KIAA1328: variants seen among roughly 807,000 people sequenced by gnomAD.
KIAA1328 encodes the protein protein hinderin.
Under a neutral mutation model 68.1 loss-of-function variants are expected in KIAA1328, and 52 were observed. The observed-to-expected ratio is 0.76, with a 90% CI of 0.61 to 0.96. The LOEUF (loss-of-function observed/expected upper bound fraction) is 0.96. Ranked by LOEUF, KIAA1328 falls within the 40% of genes least tolerant of loss-of-function variation. KIAA1328 has a pLI of 0.00. For missense variants in KIAA1328, 641 were observed against 677.6 expected, an observed-to-expected ratio of 0.95 and a Z score of 0.60; for synonymous variants, 232 against 239.4, an observed-to-expected ratio of 0.97 and a Z score of 0.28.
intron 7 of KIAA1328, among the ~76,000 whole-genome samples, chr18:37,159,747 G>A (rs1297975411): frequency 6.6e-6 from 1 of 151,970 alleles, no homozygotes; most frequent in Admixed American, 6.6e-5. Context: ...ACGTACTCTG[G>A]GTACATAATA....
At chr18:37,078,370 A>C (rs2056824153) in intron 7 of KIAA1328, among the ~76,000 whole-genome samples, 1 of 151,908 alleles carries the variant, frequency 6.6e-6, no homozygotes, top group Non-Finnish European at 1.5e-5. Flanking sequence ...TAAAACCATA[A>C]AAACCCTAGA....
intron 5 of KIAA1328, among the ~76,000 whole-genome samples, chr18:36,899,454 A>C (rs930108797): frequency 6.6e-6 from 1 of 151,894 alleles, no homozygotes; most frequent in Non-Finnish European, 1.5e-5. Flanking sequence ...GTTAGTGCTG[A>C]ATCTGCATAA....
At chr18:36,833,524 G>C (rs2046568947) in intron 1 of KIAA1328, 2 of 152,070 alleles carry the variant, frequency 1.3e-5, no homozygotes, top group African/African-American at 4.8e-5. Flanking sequence ...TTAATACTTT[G>C]GCTTTTAATC....
intron 5 of KIAA1328, among the ~76,000 whole-genome samples, chr18:36,920,564 G>T (rs750168660): frequency 2.6e-5 from 4 of 152,146 alleles, no homozygotes; most frequent in Non-Finnish European, 5.9e-5. Context: ...ATCAATGTGG[G>T]TCTTGCATTA....
chr18:37,093,301 G>A (rs778076748), intron 7 of KIAA1328, among the ~76,000 whole-genome samples: 2 of 151,980 alleles, frequency 1.3e-5, no homozygotes, highest in Non-Finnish European at 2.9e-5. Flanking sequence ...CAGATACCAA[G>A]GAAAGGAAAT....
At chr18:37,166,083 AG>A (rs1454136460) in intron 8 of KIAA1328, among the ~76,000 whole-genome samples, 3 of 146,478 alleles carry the variant, frequency 2.0e-5, no homozygotes, top group Non-Finnish European at 3.0e-5. Context: ...TTTGGGTATC[AG>A]AGTTATGCTA....
chr18:37,142,588 G>A (rs1393315765), intron 7 of KIAA1328, among the ~76,000 whole-genome samples: 2 of 151,676 alleles, frequency 1.3e-5, no homozygotes, highest in African/African-American at 4.8e-5. Flanking sequence ...ATTTTCAAAG[G>A]TCAGTTGAAT....
intron 5 of KIAA1328, among the ~76,000 whole-genome samples, chr18:36,949,602 C>CA (rs1556833375): frequency 5.0e-5 from 5 of 99,728 alleles, no homozygotes; most frequent in East Asian, 4.5e-4. Context: ...CCAGCTCCCC[C>CA]CCCCCCACCC....
At chr18:36,860,114 C>G (rs1387765163) in intron 4 of KIAA1328, among the ~76,000 whole-genome samples, 2 of 151,892 alleles carry the variant, frequency 1.3e-5, no homozygotes, top group Non-Finnish European at 2.9e-5. Context: ...TGATAGCTAT[C>G]TGAATTGAAT....
Position 37,121,448 on chromosome 18 carries a change from A to ATCTG in KIAA1328, c.1233-38749_1233-38748insGTCT, listed in dbSNP as rs1463256054. 9.2e-4 allele frequency among the ~76,000 whole-genome samples: 140 copies of ATCTG among 151,938 alleles called. 1 individual carries two copies. The highest frequency in any genetic ancestry group is 1.7e-3 in the Non-Finnish European group (118 of 67,910). On this transcript the variant is annotated intron_variant, in intron 7 of 9. Coordinates refer to ENST00000280020, the MANE Select transcript of KIAA1328 (RefSeq NM_020776.3). ...TATCTATCTATCTATCTATCTATCT[A>ATCTG]TCTATCTATCTATGCATCTATCGAT... is the stretch of plus-strand genomic sequence containing the variant.
At chr18:37,109,145 A>G (rs1325288696) in intron 7 of KIAA1328, among the ~76,000 whole-genome samples, 1 of 152,212 alleles carries the variant, frequency 6.6e-6, no homozygotes, top group Non-Finnish European at 1.5e-5. Context: ...TCCATGGTGT[A>G]TATGTGCCAC....
At chr18:37,200,879 C>T (rs1446161432) in intron 9 of KIAA1328, among the ~76,000 whole-genome samples, 2 of 151,822 alleles carry the variant, frequency 1.3e-5, no homozygotes, top group Non-Finnish European at 2.9e-5. Context: ...TCTTCTTTCC[C>T]TCTCCCTCCC....
At chr18:36,833,041 A>C (rs1343840727) in intron 1 of KIAA1328, 1 of 151,432 alleles carries the variant, frequency 6.6e-6, no homozygotes, top group Non-Finnish European at 1.5e-5. Flanking sequence ...ACAGGGTTTC[A>C]CCGTGTTAGC....
At chr18:36,858,275 T>A (rs1197292030) in intron 4 of KIAA1328, among the ~76,000 whole-genome samples, 4 of 152,196 alleles carry the variant, frequency 2.6e-5, no homozygotes, top group African/African-American at 7.2e-5. Flanking sequence ...ATATTAGTTG[T>A]CCTGTAGTCT....
chr18:37,218,333 T>A (rs181216461), intron 9 of KIAA1328, among the ~76,000 whole-genome samples: 1 of 152,318 alleles, frequency 6.6e-6, no homozygotes, highest in East Asian at 1.9e-4. Context: ...TGGGCTCCTT[T>A]GAAATGCTGA....
At chr18:36,969,966 C>T (rs980286655) in intron 6 of KIAA1328, among the ~76,000 whole-genome samples, 4 of 152,192 alleles carry the variant, frequency 2.6e-5, no homozygotes, top group African/African-American at 9.7e-5. Flanking sequence ...GTGAGGCCAG[C>T]ATCATCCTGA....
chr18:36,864,791 G>C (rs528291988), intron 4 of KIAA1328, among the ~76,000 whole-genome samples: 2 of 151,982 alleles, frequency 1.3e-5, no homozygotes, highest in South Asian at 2.1e-4. Context: ...TTCTTTAATG[G>C]CTTTCAGATT....
chr18:37,077,905 A>T (rs1158322778), intron 7 of KIAA1328, among the ~76,000 whole-genome samples: 2 of 152,066 alleles, frequency 1.3e-5, no homozygotes, highest in African/African-American at 4.8e-5. Context: ...CGTACTGCCC[A>T]AGGTAATTTA....
rs761662342 is a variant in KIAA1328, at chr18:37,222,068, G to A, written c.1575G>A (p.Ala525=). Reference sequence around the variant, plus strand: ...TTCAGTCTCTGAGCCCAAACTCTGCGCCCAAACCTCAGCGCTATCCCTCCA... The same window carrying A: ...TTCAGTCTCTGAGCCCAAACTCTGCACCCAAACCTCAGCGCTATCCCTCCA... ...DLVQSLSPNS[A]PKPQRYPSRE... The change falls in exon 10 of 10, where the codon GCG becomes GCA. Residue 525 remains alanine (A), a synonymous_variant. Transcript: ENST00000280020. 4.5e-5 allele frequency: 73 copies of A among 1,613,500 alleles called. No homozygotes were observed. Among genetic ancestry groups the A allele is most frequent in the African/African-American group, 9.3e-5 (7 of 74,892 alleles).
Sources: gnomAD v4.1 joint callset for allele counts (sites outside exome capture counted in the v4.1 genomes callset) on GRCh38, gnomAD v4.1.1 for gene constraint, MANE v1.5 for transcripts, NCBI Gene and HGNC (gene_info 2026-07-23, HGNC 2026-07-21) for gene names.